KHDRBS3: variants seen among roughly 807,000 people sequenced by gnomAD.
The protein encoded by KHDRBS3 is KH RNA binding domain containing, signal transduction associated 3, also known as KH domain-containing, RNA-binding, signal transduction-associated protein 3.
A neutral mutation model predicts 45.6 loss-of-function variants in KHDRBS3; 23 were observed. The observed-to-expected ratio is 0.50, with a 90% CI of 0.36 to 0.72. The LOEUF (loss-of-function observed/expected upper bound fraction) is 0.72. Among genes scored for constraint, KHDRBS3 ranks in the 30% least tolerant of loss-of-function variants. The pLI is 0.00. For synonymous variants in KHDRBS3, 162 were observed against 156.5 expected (o/e 1.04, Z -0.26); for missense variants, 352 against 424.8 (o/e 0.83, Z 1.51).
chr8:135,556,241 G>A (rs954341087), intron 4 of KHDRBS3, among the ~76,000 whole-genome samples: 5 of 152,142 alleles, frequency 3.3e-5, no homozygotes, highest in African/African-American at 1.2e-4. Flanking sequence ...AATCCTCTGG[G>A]TATATGCCCA....
At chr8:135,497,940 C>A (rs569260196) in intron 1 of KHDRBS3, among the ~76,000 whole-genome samples, 1 of 152,246 alleles carries the variant, frequency 6.6e-6, no homozygotes, top group African/African-American at 2.4e-5. Context: ...AGAGGATTTA[C>A]ATGTGATAAT....
At chr8:135,542,359 C>G in intron 2 of KHDRBS3, 1 of 306,332 alleles carries the variant, frequency 3.3e-6, no homozygotes, top group East Asian at 7.2e-5. Flanking sequence ...TTAACGTGTG[C>G]TGAAACTGTT....
chr8:135,645,928 G>A (rs1312643833), intron 8 of KHDRBS3, among the ~76,000 whole-genome samples: 1 of 151,032 alleles, frequency 6.6e-6, no homozygotes, highest in Admixed American at 6.6e-5. Flanking sequence ...ATTTTCCGGC[G>A]TTAAACCTTT....
At chr8:135,531,871 G>A (rs1825496027) in intron 2 of KHDRBS3, among the ~76,000 whole-genome samples, 1 of 152,086 alleles carries the variant, frequency 6.6e-6, no homozygotes, top group Admixed American at 6.6e-5. Context: ...CTTTACTTGG[G>A]CATGGAATTG....
chr8:135,504,750 C>T (rs996515915), intron 1 of KHDRBS3, among the ~76,000 whole-genome samples: 1 of 152,196 alleles, frequency 6.6e-6, no homozygotes, highest in Non-Finnish European at 1.5e-5. Flanking sequence ...TCTTCCTGTG[C>T]ATTTCACAGG....
At chr8:135,515,451 G>A (rs1411360332) in intron 1 of KHDRBS3, among the ~76,000 whole-genome samples, 1 of 143,590 alleles carries the variant, frequency 7.0e-6, no homozygotes, top group Non-Finnish European at 1.5e-5. Flanking sequence ...TATTGTTGTC[G>A]TTGTTGATTT....
intron 1 of KHDRBS3, among the ~76,000 whole-genome samples, chr8:135,517,605 T>C (rs1824678275): frequency 6.6e-6 from 1 of 152,188 alleles, no homozygotes; most frequent in Non-Finnish European, 1.5e-5. Flanking sequence ...AAATTGTTGA[T>C]TGAACAGCAT....
chr8:135,582,861 A>G lies in KHDRBS3; in HGVS notation c.807+788A>G, dbSNP rs554446077. The stretch of plus-strand genomic sequence containing the variant: ...TGCTAGGTGCTCTGTGCCTCTTTGC[A>G]TAGTTTCTAGAAGGTTGCAATAATC... On this transcript the variant is annotated intron_variant, in intron 6 of 8. Coordinates refer to ENST00000355849, the MANE Select transcript of KHDRBS3 (RefSeq NM_006558.3). 2.0e-5 allele frequency among the ~76,000 whole-genome samples: 3 copies of G among 152,330 alleles called. No homozygotes were observed. The East Asian group carries it at 5.8e-4, about 29-fold the overall frequency.
At chr8:135,496,565 G>GA (rs5895313) in intron 1 of KHDRBS3, among the ~76,000 whole-genome samples, 13 of 149,718 alleles carry the variant, frequency 8.7e-5, no homozygotes, top group Admixed American at 2.0e-4. Flanking sequence ...ATAGGGGTTT[G>GA]AAAAAAAAAA....
chr8:135,503,393 C>T (rs1823832837), intron 1 of KHDRBS3, among the ~76,000 whole-genome samples: 1 of 152,090 alleles, frequency 6.6e-6, no homozygotes. Context: ...AGCCAGGCTA[C>T]AAAAGGCCTA....
intron 1 of KHDRBS3, among the ~76,000 whole-genome samples, chr8:135,471,761 C>T (rs1822026458): frequency 6.6e-6 from 1 of 152,296 alleles, no homozygotes; most frequent in African/African-American, 2.4e-5. Flanking sequence ...TCGTAGGGCT[C>T]CCTGTCTGGC....
chr8:135,584,570 G>T (rs1003726270), intron 6 of KHDRBS3, among the ~76,000 whole-genome samples: 2 of 152,222 alleles, frequency 1.3e-5, no homozygotes, highest in Admixed American at 6.5e-5. Flanking sequence ...TTAGCATTTT[G>T]TGAGCTGCCT....
chr8:135,461,080 A>C (rs1048297319), intron 1 of KHDRBS3, among the ~76,000 whole-genome samples: 1 of 151,980 alleles, frequency 6.6e-6, no homozygotes, highest in African/African-American at 2.4e-5. Context: ...CACCTCCTAA[A>C]TGAATTTGTT....
chr8:135,625,423 T>C (rs914602237), intron 7 of KHDRBS3: 50 of 773,610 alleles, frequency 6.5e-5, no homozygotes, highest in Non-Finnish European at 1.1e-4. Flanking sequence ...ATCGTGCCCA[T>C]TGCGCACACC....
intron 7 of KHDRBS3, among the ~76,000 whole-genome samples, chr8:135,641,348 A>G (rs1031515508): frequency 3.3e-5 from 5 of 152,208 alleles, no homozygotes; most frequent in African/African-American, 4.8e-5. Context: ...CAAGTTAAAC[A>G]ATTGGGAACT....
intron 5 of KHDRBS3, among the ~76,000 whole-genome samples, chr8:135,580,606 T>TC (rs1491458968): frequency 2.2e-3 from 26 of 11,776 alleles, no homozygotes; most frequent in East Asian, 0.03. Flanking sequence ...TCTCTCTCTC[T>TC]TTTTTTTTTT....
chr8:135,510,017 C>G (rs1013941288), intron 1 of KHDRBS3, among the ~76,000 whole-genome samples: 2 of 135,316 alleles, frequency 1.5e-5, no homozygotes, highest in Non-Finnish European at 3.1e-5. Context: ...GTCTCTCTCT[C>G]TGTGCAGGCT....
intron 4 of KHDRBS3, chr8:135,549,107 AT>A: frequency 5.5e-6 from 2 of 361,984 alleles, no homozygotes; most frequent in Non-Finnish European, 9.8e-6. Flanking sequence ...TTTCAGGAAG[AT>A]TTAATAATAT....
chr8:135,654,909 C>T (rs532745093), intron 4 of KHDRBS3, among the ~76,000 whole-genome samples: 129 of 152,232 alleles, frequency 8.5e-4, no homozygotes, highest in Non-Finnish European at 1.5e-3. Context: ...GATCTTTTAT[C>T]TCTCTCAGCC....
Sources: gnomAD v4.1 joint callset for allele counts (sites outside exome capture counted in the v4.1 genomes callset) on GRCh38, gnomAD v4.1.1 for gene constraint, MANE v1.5 for transcripts, NCBI Gene and HGNC (gene_info 2026-07-23, HGNC 2026-07-21) for gene names.